DLG2: variants seen among roughly 807,000 people sequenced by gnomAD.
The protein encoded by DLG2 is discs large MAGUK scaffold protein 2.
A neutral mutation model predicts 132.5 loss-of-function variants in DLG2; 45 were observed. The ratio of observed to expected loss-of-function variants is 0.34; its 90% CI spans 0.27 to 0.44. The LOEUF (loss-of-function observed/expected upper bound fraction) is 0.44. DLG2 is among the 20% of genes least tolerant of loss of function. The probability of loss-of-function intolerance (pLI) is 1.00; values close to 1 mark genes in which losing one functional copy is unlikely to be tolerated. For synonymous variants in DLG2, 424 were observed against 419.6 expected, an observed-to-expected ratio of 1.01 and a Z score of -0.13; for missense variants, 1,045 against 1,196.9, an observed-to-expected ratio of 0.87 and a Z score of 1.87.
At chr11:85,093,617 T>C (rs1195985415) in intron 6 of DLG2, among the ~76,000 whole-genome samples, 1 of 152,248 alleles carries the variant, frequency 6.6e-6, no homozygotes, top group Admixed American at 6.5e-5. Context: ...AGGCGTGTCT[T>C]ACCTGGTGAC....
intron 6 of DLG2, among the ~76,000 whole-genome samples, chr11:84,830,960 C>CG (rs151190710): frequency 9.4e-6 from 1 of 105,948 alleles, no homozygotes; most frequent in Admixed American, 1.2e-4. Flanking sequence ...CTCCCCCCAC[C>CG]CCCCCCAGCT....
chr11:84,502,377 T>C (rs1174050251), intron 7 of DLG2, among the ~76,000 whole-genome samples: 1 of 95,292 alleles, frequency 1.0e-5, no homozygotes, highest in African/African-American at 5.6e-5. Context: ...TTTCTTTCTT[T>C]CTTTCTTTCT....
chr11:85,187,135 A>C (rs1473700412), intron 4 of DLG2, among the ~76,000 whole-genome samples: 1 of 152,180 alleles, frequency 6.6e-6, no homozygotes, highest in Non-Finnish European at 1.5e-5. Context: ...ATCACATCTC[A>C]GTGGCAATAC....
chr11:85,235,294 T>A (rs992113232), intron 4 of DLG2, among the ~76,000 whole-genome samples: 1 of 152,026 alleles, frequency 6.6e-6, no homozygotes, highest in Non-Finnish European at 1.5e-5. Flanking sequence ...AAAGATATTC[T>A]TGTTAAGGTG....
At chr11:84,811,818 T>C (rs2153972644) in intron 6 of DLG2, among the ~76,000 whole-genome samples, 1 of 152,300 alleles carries the variant, frequency 6.6e-6, no homozygotes. Context: ...TTCTATAAAG[T>C]AGCTCAGAAT....
intron 6 of DLG2, 90 bp from the exon 7 acceptor site, chr11:84,534,821 G>C (rs766768767): frequency 2.8e-6 from 4 of 1,441,538 alleles, no homozygotes; most frequent in Non-Finnish European, 1.9e-6. Flanking sequence ...TTCATCAATA[G>C]GACACAGTGT....
chr11:83,639,501 G>T (rs577265406), intron 18 of DLG2, among the ~76,000 whole-genome samples: 1 of 150,824 alleles, frequency 6.6e-6, no homozygotes, highest in African/African-American at 2.4e-5. Flanking sequence ...GCAAACTATC[G>T]CAAGGACAAA....
At chr11:85,497,157 G>A (rs773220880) in intron 3 of DLG2, among the ~76,000 whole-genome samples, 3 of 151,858 alleles carry the variant, frequency 2.0e-5, no homozygotes, top group African/African-American at 7.3e-5. Context: ...GTTCTAACCC[G>A]TCGCAAGGAA....
chr11:85,515,851 T>A (rs767052125), intron 3 of DLG2, among the ~76,000 whole-genome samples: 18 of 152,136 alleles, frequency 1.2e-4, no homozygotes, highest in Admixed American at 2.0e-4. Context: ...AGTAAAAGCA[T>A]GATACTAAAT....
intron 7 of DLG2, among the ~76,000 whole-genome samples, chr11:84,408,266 T>G (rs981149313): frequency 1.1e-4 from 16 of 152,014 alleles, no homozygotes; most frequent in Admixed American, 2.6e-4. Context: ...AATAATGTAA[T>G]CTGTGGCCAA....
intron 3 of DLG2, among the ~76,000 whole-genome samples, chr11:85,349,565 C>T (rs1427881183): frequency 6.6e-6 from 1 of 152,076 alleles, no homozygotes; most frequent in Non-Finnish European, 1.5e-5. Context: ...TCCCCCAGCC[C>T]TCTACCCTCC....
chr11:85,027,748 C>T (rs1322889221), intron 6 of DLG2, among the ~76,000 whole-genome samples: 1 of 152,228 alleles, frequency 6.6e-6, no homozygotes, highest in African/African-American at 2.4e-5. Flanking sequence ...ATAAGGGGAA[C>T]ACAGTGGCAC....
chr11:85,079,260 A>G (rs763034179), intron 6 of DLG2, among the ~76,000 whole-genome samples: 10 of 152,098 alleles, frequency 6.6e-5, no homozygotes, highest in Non-Finnish European at 1.3e-4. Flanking sequence ...CATTATGCAG[A>G]TGAAGCCACC....
chr11:84,227,120 A>T (rs926833303), intron 8 of DLG2, among the ~76,000 whole-genome samples: 46 of 152,084 alleles, frequency 3.0e-4, no homozygotes, highest in Admixed American at 1.0e-3. Context: ...TTAAAATTTT[A>T]AAAAAGTACC....
chr11:85,563,905 G>A (rs975613647), intron 3 of DLG2, among the ~76,000 whole-genome samples: 2 of 152,024 alleles, frequency 1.3e-5, no homozygotes, highest in Admixed American at 6.6e-5. Context: ...TTTCAAAGTG[G>A]TTGTACCATT....
At chr11:84,661,219 C>T (rs544132233) in intron 6 of DLG2, among the ~76,000 whole-genome samples, 1 of 152,172 alleles carries the variant, frequency 6.6e-6, no homozygotes, top group East Asian at 1.9e-4. Flanking sequence ...TTTGTTTTAA[C>T]TGCATGGTCT....
intron 6 of DLG2, among the ~76,000 whole-genome samples, chr11:85,042,420 A>G (rs191962235): frequency 8.1e-4 from 124 of 152,148 alleles, no homozygotes; most frequent in African/African-American, 2.9e-3. Flanking sequence ...TACATAGATT[A>G]TCTTAATTCT....
intron 6 of DLG2, among the ~76,000 whole-genome samples, chr11:84,600,307 A>G (rs1408222324): frequency 2.6e-5 from 4 of 152,286 alleles, no homozygotes; most frequent in African/African-American, 9.6e-5. Context: ...ATGTCAGGGC[A>G]AAAATAGGGC....
intron 3 of DLG2, among the ~76,000 whole-genome samples, chr11:85,540,130 A>G (rs956527247): frequency 6.6e-6 from 1 of 152,188 alleles, no homozygotes; most frequent in South Asian, 2.1e-4. Flanking sequence ...AGGAAGGGAA[A>G]TGCTGGGTAG....
Sources: gnomAD v4.1 joint callset for allele counts (sites outside exome capture counted in the v4.1 genomes callset) on GRCh38, gnomAD v4.1.1 for gene constraint, MANE v1.5 for transcripts, NCBI Gene and HGNC (gene_info 2026-07-23, HGNC 2026-07-21) for gene names.